Variants in MACROD1 observed in about 807,000 individuals in gnomAD.
MACROD1 encodes the protein ADP-ribose glycohydrolase MACROD1.
Under a neutral mutation model 41.4 loss-of-function variants are expected in MACROD1, and 31 were observed. The observed-to-expected ratio is 0.75, with a 90% confidence interval of 0.56 to 1.01. The LOEUF (loss-of-function observed/expected upper bound fraction) is 1.01. MACROD1 is among the 50% of genes least tolerant of loss of function. The pLI, the probability that MACROD1 is intolerant of heterozygous loss-of-function variation, is 0.00. For missense variants in MACROD1, 473 were observed against 460.0 expected (o/e 1.03, Z -0.26); for synonymous variants, 252 against 203.4 (o/e 1.24, Z -2.03).
At chr11:64,069,465 G>C (rs1361919182) in intron 3 of MACROD1, among the ~76,000 whole-genome samples, 2 of 152,224 alleles carry the variant, frequency 1.3e-5, no homozygotes, top group South Asian at 4.1e-4. Context: ...CAAGCTGCTG[G>C]CCAGTCTGGT....
In MACROD1 at chr11:64,103,024, T is replaced by C. The variant is rs565302428; in HGVS notation, c.517+48215A>G. Among the ~76,000 whole-genome samples, 188 of 150,922 alleles carry C rather than the reference T, an allele frequency of 1.2e-3. 1 individual carries two copies. Among genetic ancestry groups the C allele is most frequent in the African/African-American group, 4.4e-3 (180 of 41,010 alleles). On this transcript the variant is annotated intron_variant, in intron 3 of 10. Transcript: ENST00000255681. ...AGGCAGAGGTCGCAGTGAGCCGAGA[T>C]TGTGCCACTGCACTCTAGCCTGGCG...
chr11:64,165,453 C>T (rs1470374700), intron 1 of MACROD1, among the ~76,000 whole-genome samples: 1 of 152,220 alleles, frequency 6.6e-6, no homozygotes, highest in African/African-American at 2.4e-5. Flanking sequence ...CCGCCTTCCT[C>T]ACGCTGCCCC....
Position 64,117,422 on chromosome 11 carries a change from C to T in MACROD1, c.517+33817G>A, listed in dbSNP as rs141342857. 5.3e-5 allele frequency: 86 copies of T among 1,612,194 alleles called. No homozygotes were observed. The highest frequency in any genetic ancestry group is 2.7e-4 in the Admixed American group (16 of 59,954). The stretch of plus-strand genomic sequence containing the variant: ...AGTGTTTTGAGACGGGGCCGCAGGG[C>T]GGCGTGGCCAATGCGGCTGCCAAGA... On this transcript the variant is annotated intron_variant, in intron 3 of 10. Transcript: ENST00000255681.
chr11:64,139,337 G>A (rs1418527938), intron 3 of MACROD1, among the ~76,000 whole-genome samples: 1 of 152,210 alleles, frequency 6.6e-6, no homozygotes, highest in African/African-American at 2.4e-5. Flanking sequence ...CAGAGCAGGA[G>A]ACTCCCACAC....
At chr11:64,055,395 C>T (rs190252741) in intron 3 of MACROD1, among the ~76,000 whole-genome samples, 49 of 152,326 alleles carry the variant, frequency 3.2e-4, no homozygotes, top group African/African-American at 9.4e-4. Context: ...TCACAAGAAA[C>T]GATGGGGGAT....
intron 3 of MACROD1, among the ~76,000 whole-genome samples, chr11:64,107,534 C>T (rs540430478): frequency 2.0e-5 from 3 of 146,656 alleles, no homozygotes; most frequent in Admixed American, 6.9e-5. Context: ...AGTGGATTTG[C>T]ATACCTGTCT....
intron 3 of MACROD1, among the ~76,000 whole-genome samples, chr11:64,078,127 A>T (rs1473766698): frequency 6.6e-6 from 1 of 151,750 alleles, no homozygotes; most frequent in Non-Finnish European, 1.5e-5. Flanking sequence ...TGCAGGCAGC[A>T]CTCCTTTCCT....
intron 3 of MACROD1, among the ~76,000 whole-genome samples, chr11:64,070,804 C>T (rs917053268): frequency 2.6e-5 from 4 of 152,132 alleles, no homozygotes; most frequent in Admixed American, 6.5e-5. Flanking sequence ...GGAGACGAGG[C>T]GTGAACAATA....
chr11:64,021,947 G>T (rs1240174287), intron 3 of MACROD1, among the ~76,000 whole-genome samples: 4 of 72,972 alleles, frequency 5.5e-5, no homozygotes, highest in African/African-American at 1.9e-4. Context: ...GGGGGGGGGG[G>T]GGGGTGTGAG....
intron 3 of MACROD1, chr11:64,116,871 G>A (rs761024425): frequency 6.2e-7 from 1 of 1,612,068 alleles, no homozygotes; most frequent in Admixed American, 1.7e-5. Context: ...CACGCTGGAG[G>A]AGCTGCGGCT....
intron 3 of MACROD1, among the ~76,000 whole-genome samples, chr11:64,085,409 G>A (rs1269983711): frequency 1.3e-5 from 2 of 152,208 alleles, no homozygotes; most frequent in African/African-American, 4.8e-5. Context: ...TTCCGGGGAC[G>A]GAGGGCGGGG....
chr11:64,137,260 C>T (rs937949339), intron 3 of MACROD1, among the ~76,000 whole-genome samples: 3 of 152,096 alleles, frequency 2.0e-5, no homozygotes, highest in Admixed American at 1.3e-4. Flanking sequence ...TCGACAGTGA[C>T]AAATAGGAGG....
chr11:64,100,540 A>C (rs1944653526), intron 3 of MACROD1, among the ~76,000 whole-genome samples: 1 of 152,230 alleles, frequency 6.6e-6, no homozygotes, highest in African/African-American at 2.4e-5. Flanking sequence ...TCGAGCCAGA[A>C]GGGTGGCCAC....
Position 64,165,684 on chromosome 11 carries a change from T to C in MACROD1, c.298+13A>G, listed in dbSNP as rs369866975. 9.1e-6 allele frequency: 13 copies of C among 1,425,764 alleles called. No homozygotes were observed. In the African/African-American group the frequency reaches 1.8e-4, roughly 19 times the overall value. The allele number at this position is 1,425,764 out of a possible 1,614,324, so 88.3% of individuals were successfully genotyped here. A position where few individuals can be genotyped will look rare whatever the true frequency, so the allele number is the denominator to read the frequency against. Reference sequence around the variant, plus strand: ...CCGCCCTCTCCCTCGCGCCCCCTCGTGCTTACACTTACATTTCGCCTCCTT... The same window carrying C: ...CCGCCCTCTCCCTCGCGCCCCCTCGCGCTTACACTTACATTTCGCCTCCTT... On this transcript the variant is annotated intron_variant, in intron 1 of 10. Coordinates refer to ENST00000255681, the MANE Select transcript of MACROD1 (RefSeq NM_014067.4).
chr11:64,130,628 G>A (rs535588472), intron 3 of MACROD1, among the ~76,000 whole-genome samples: 1 of 152,132 alleles, frequency 6.6e-6, no homozygotes, highest in African/African-American at 2.4e-5. Flanking sequence ...TGCCTCCGTG[G>A]GTCTGACATT....
rs888430745 is a variant in MACROD1, at chr11:64,120,984, T to G, written c.517+30255A>C. 6.6e-6 allele frequency among the ~76,000 whole-genome samples: 1 copy of G among 152,168 alleles called. No individual in the cohort carries two copies. Among genetic ancestry groups the G allele is most frequent in the South Asian group, 2.1e-4 (1 of 4,828 alleles). ...TCCCCACCCTAGACAGGTCAGGTCA[T>G]GCCCTTAGTGGCTAGGAAGGCATCT... On this transcript the variant is annotated intron_variant, in intron 3 of 10. Transcript: ENST00000255681. The surrounding 1 kb of genome is among the most constrained non-coding windows in gnomAD (Gnocchi z 4.5).
chr11:64,078,883 G>A (rs1171041129), intron 3 of MACROD1, among the ~76,000 whole-genome samples: 2 of 152,252 alleles, frequency 1.3e-5, no homozygotes, highest in African/African-American at 4.8e-5. Context: ...GGGACAGCGA[G>A]AACTCAGAGT....
intron 3 of MACROD1, among the ~76,000 whole-genome samples, chr11:64,033,881 T>A (rs549674189): frequency 7.9e-5 from 12 of 152,196 alleles, no homozygotes; most frequent in South Asian, 6.2e-4. Flanking sequence ...GTATTTTTTT[T>A]ATCTCAAACT....
At chr11:64,060,223 C>A (rs1345087517) in intron 3 of MACROD1, among the ~76,000 whole-genome samples, 1 of 152,252 alleles carries the variant, frequency 6.6e-6, no homozygotes, top group Non-Finnish European at 1.5e-5. Flanking sequence ...ACATTTCAAG[C>A]GGCCTGACAG....
Sources: gnomAD v4.1 joint callset for allele counts (sites outside exome capture counted in the v4.1 genomes callset) on GRCh38, gnomAD v4.1.1 for gene constraint, Gnocchi (gnomAD v3.1) non-coding constraint, MANE v1.5 for transcripts, NCBI Gene and HGNC (gene_info 2026-07-23, HGNC 2026-07-21) for gene names.